The following ZNF215 variants were observed in gnomAD, a reference collection of about 807,000 sequenced individuals.
ZNF215 encodes the protein zinc finger protein 215, also known as BWSCR2-associated zinc finger protein 2.
In ZNF215, 24 loss-of-function variants were observed where a neutral mutation model predicts 27.2. That is an observed-to-expected ratio of 0.88 (90% CI 0.64 to 1.24). The LOEUF (loss-of-function observed/expected upper bound fraction) is 1.24, where lower values mean the gene tolerates loss of function less well. ZNF215 is among the 50% of genes most tolerant of loss of function. The pLI, the probability that ZNF215 is intolerant of heterozygous loss-of-function variation, is 0.00. For missense variants in ZNF215, 675 were observed against 605.7 expected, an observed-to-expected ratio of 1.11 and a Z score of -1.20; for synonymous variants, 210 against 204.0, an observed-to-expected ratio of 1.03 and a Z score of -0.25.
intron 5 of ZNF215, among the ~76,000 whole-genome samples, chr11:6,973,055 C>T (rs1410348175): frequency 1.3e-5 from 2 of 152,040 alleles, no homozygotes; most frequent in African/African-American, 2.4e-5. Flanking sequence ...TTCCCTCCCA[C>T]CCCACAACAG....
chr11:6,933,595 G>A (rs1321040842), intron 3 of ZNF215, among the ~76,000 whole-genome samples: 1 of 152,030 alleles, frequency 6.6e-6, no homozygotes, highest in Non-Finnish European at 1.5e-5. Flanking sequence ...AGACCATCCT[G>A]GCTAACATGG....
In ZNF215 at chr11:6,965,693, A is replaced by C. The variant is rs112436046; in HGVS notation, c.805+9911A>C. ...CATTATAAATAGTACTGTTTTTATA[A>C]CTTGAATTTCCATTTGTTTATTCCA... On this transcript the variant is annotated intron_variant, in intron 5 of 5. Transcript: ENST00000529903. 3.4e-3 allele frequency among the ~76,000 whole-genome samples: 524 copies of C among 152,270 alleles called. 4 individuals carry two copies. Among genetic ancestry groups the C allele is most frequent in the African/African-American group, 0.012 (501 of 41,568 alleles).
At chr11:6,982,297 C>G (rs1333948230) in intron 5 of ZNF215, among the ~76,000 whole-genome samples, 2 of 152,000 alleles carry the variant, frequency 1.3e-5, no homozygotes. Context: ...GACTCCCACA[C>G]AATAATAATG....
chr11:6,944,965 T>C (rs1849765080), intron 6 of ZNF215, among the ~76,000 whole-genome samples: 2 of 152,196 alleles, frequency 1.3e-5, no homozygotes, highest in South Asian at 4.1e-4. Flanking sequence ...GACATTTAGA[T>C]TGTTGCCAAT....
chr11:6,942,972 T>C (rs1849680565), intron 4 of ZNF215, 111 bp from the exon 5 acceptor site: 1 of 1,449,094 alleles, frequency 6.9e-7, no homozygotes, highest in Non-Finnish European at 9.3e-7. Flanking sequence ...GACATTGTCC[T>C]ATCAATTTCT....
chr11:6,938,360 T>C (rs1209250926), intron 3 of ZNF215, among the ~76,000 whole-genome samples: 1 of 152,038 alleles, frequency 6.6e-6, no homozygotes, highest in African/African-American at 2.4e-5. Context: ...GAGAAATTGT[T>C]TGGAATTGTA....
At chr11:6,979,462 A>G (rs887619828) in intron 5 of ZNF215, among the ~76,000 whole-genome samples, 5 of 152,080 alleles carry the variant, frequency 3.3e-5, no homozygotes, top group Admixed American at 3.3e-4. Context: ...TCTGTTACTT[A>G]TATCTGTTTA....
At chr11:6,970,456 G>A (rs1026606069) in intron 5 of ZNF215, among the ~76,000 whole-genome samples, 1 of 152,150 alleles carries the variant, frequency 6.6e-6, no homozygotes, top group African/African-American at 2.4e-5. Context: ...AAATATTTGG[G>A]ATTTACTGCT....
intron 2 of ZNF215, among the ~76,000 whole-genome samples, chr11:6,928,745 A>G (rs1277829909): frequency 1.3e-5 from 2 of 151,706 alleles, no homozygotes; most frequent in South Asian, 2.1e-4. Flanking sequence ...TTCTCCATTT[A>G]TGTTACTTTC....
intron 5 of ZNF215, among the ~76,000 whole-genome samples, chr11:6,969,331 A>G (rs2133332472): frequency 6.6e-6 from 1 of 152,324 alleles, no homozygotes; most frequent in South Asian, 2.1e-4. Context: ...TTCTCCAAAT[A>G]TACATTTGAG....
chr11:6,967,942 A>G (rs940029751), intron 5 of ZNF215, among the ~76,000 whole-genome samples: 2 of 152,142 alleles, frequency 1.3e-5, no homozygotes, highest in Non-Finnish European at 2.9e-5. Flanking sequence ...TCTTTAATCC[A>G]TCTTGAGTTA....
intron 6 of ZNF215, among the ~76,000 whole-genome samples, chr11:6,949,328 A>T (rs1440525621): frequency 9.8e-5 from 15 of 152,300 alleles, no homozygotes; most frequent in Non-Finnish European, 2.1e-4. Flanking sequence ...CGCCACACTA[A>T]CTTCCACAAT....
chr11:6,927,804 T>C lies in ZNF215; in HGVS notation c.-183T>C, dbSNP rs1158332987. The C allele has an allele frequency of 1.3e-5, 2 of 152,246 alleles. No homozygotes were observed. The highest frequency in any genetic ancestry group is 2.9e-5 in the Non-Finnish European group (2 of 68,044). 9.4% of individuals were successfully genotyped at this position (152,246 alleles called of 1,614,324 possible). ...TCCCTGTCCTAGCTCTGTAACTGTT[T>C]ACAGTGAGTAATTCATTAATTTGTG... On this transcript the variant is annotated 5_prime_UTR_variant, in exon 2 of 7. Coordinates refer to ENST00000278319, the MANE Select transcript of ZNF215 (RefSeq NM_013250.4).
intron 6 of ZNF215, among the ~76,000 whole-genome samples, chr11:6,948,268 T>C (rs1849897830): frequency 6.6e-6 from 1 of 152,214 alleles, no homozygotes; most frequent in Admixed American, 6.5e-5. Flanking sequence ...TACTATGGCA[T>C]CAAGGTTGAA....
chr11:6,991,057 T>C (rs75525248), downstream of ZNF215, among the ~76,000 whole-genome samples: 1 of 152,340 alleles, frequency 6.6e-6, no homozygotes, highest in Non-Finnish European at 1.5e-5. Flanking sequence ...ACCAAAATTA[T>C]ATCCTCCTTT....
intron 3 of ZNF215, among the ~76,000 whole-genome samples, chr11:6,934,538 T>G (rs1001167881): frequency 2.0e-5 from 3 of 152,174 alleles, no homozygotes; most frequent in Admixed American, 6.5e-5. Context: ...TTTCTGGGGC[T>G]TATGTTCCCC....
Position 6,980,141 on chromosome 11 carries a change from C to G in ZNF215, c.806-3988C>G, listed in dbSNP as rs189679752. 2.7e-3 allele frequency among the ~76,000 whole-genome samples: 416 copies of G among 152,142 alleles called. 2 individuals are homozygous for G. Among genetic ancestry groups the G allele is most frequent in the Admixed American group, 5.4e-3 (83 of 15,236 alleles). Reference sequence around the variant, plus strand: ...CAACAATCAATCAGTTAACAAATCCCAGAAGCTATGTATGTATGCCTTTTG... The same window carrying G: ...CAACAATCAATCAGTTAACAAATCCGAGAAGCTATGTATGTATGCCTTTTG... On this transcript the variant is annotated intron_variant, in intron 5 of 5. Transcript: ENST00000529903.
intron 5 of ZNF215, among the ~76,000 whole-genome samples, chr11:6,971,573 T>G (rs1850718494): frequency 6.6e-6 from 1 of 152,106 alleles, no homozygotes; most frequent in African/African-American, 2.4e-5. Context: ...ACAAAATGGA[T>G]AGATTAAAAC....
chr11:6,950,691 GA>G lies in ZNF215; in HGVS notation c.713-4998del, dbSNP rs569035233. Among the ~76,000 whole-genome samples, 26 of 151,324 alleles carry G rather than the reference GA, an allele frequency of 1.7e-4. No homozygotes were observed. The East Asian group carries it at 4.9e-3, about 28-fold the overall frequency. On this transcript the variant is annotated intron_variant, in intron 6 of 6. Coordinates refer to ENST00000278319, the MANE Select transcript of ZNF215 (RefSeq NM_013250.4). ...TGTCATCTGCAAACAGGGACAATTT[GA>G]CTTCCTCTTTTCCTAATTGAATACC... is the stretch of plus-strand genomic sequence containing the variant.
Sources: gnomAD v4.1 joint callset for allele counts (sites outside exome capture counted in the v4.1 genomes callset) on GRCh38, gnomAD v4.1.1 for gene constraint, MANE v1.5 for transcripts, NCBI Gene and HGNC (gene_info 2026-07-23, HGNC 2026-07-21) for gene names.